VIT: variants seen among roughly 807,000 people sequenced by gnomAD.
VIT encodes vitrin.
In VIT, 99 loss-of-function variants were observed where a neutral mutation model predicts 78.0. The ratio of observed to expected loss-of-function variants is 1.27; its 90% CI spans 1.08 to 1.50. The LOEUF (loss-of-function observed/expected upper bound fraction) is 1.50. VIT is among the 40% of genes most tolerant of loss of function. The pLI is 0.00. For synonymous variants in VIT, 374 were observed against 334.3 expected (o/e 1.12, Z -1.29); for missense variants, 1,126 against 875.3 (o/e 1.29, Z -3.61).
At chr2:36,706,641 G>A (rs991746861) in intron 1 of VIT, among the ~76,000 whole-genome samples, 2 of 152,126 alleles carry the variant, frequency 1.3e-5, no homozygotes, top group African/African-American at 4.8e-5. Flanking sequence ...CAAAATCCCA[G>A]GGGAGGCCTC....
chr2:36,715,775 A>C (rs1666094080), intron 1 of VIT, among the ~76,000 whole-genome samples: 1 of 152,084 alleles, frequency 6.6e-6, no homozygotes, highest in African/African-American at 2.4e-5. Flanking sequence ...TGCTCTACAA[A>C]CTTCCCCTTA....
At chr2:36,813,564 A>T (rs770724763) in intron 15 of VIT, among the ~76,000 whole-genome samples, 56 of 152,104 alleles carry the variant, frequency 3.7e-4, no homozygotes, top group Non-Finnish European at 7.1e-4. Flanking sequence ...TTTCTTCATC[A>T]CAATGTTGGA....
intron 13 of VIT, among the ~76,000 whole-genome samples, chr2:36,801,920 T>G (rs868231163): frequency 3.3e-5 from 5 of 152,216 alleles, no homozygotes; most frequent in African/African-American, 9.6e-5. Context: ...GGGGTAGCAT[T>G]CTTCAGGGCA....
intron 5 of VIT, among the ~76,000 whole-genome samples, chr2:36,757,782 A>G (rs540761909): frequency 1.3e-5 from 2 of 152,346 alleles, no homozygotes; most frequent in East Asian, 3.9e-4. Context: ...GATGTCTACA[A>G]TCTTGTGTAG....
intron 13 of VIT, among the ~76,000 whole-genome samples, chr2:36,801,666 G>A (rs962503673): frequency 5.3e-5 from 8 of 151,864 alleles, no homozygotes; most frequent in African/African-American, 1.9e-4. Context: ...AAATTAGCTG[G>A]GTGTGGTGGC....
intron 9 of VIT, among the ~76,000 whole-genome samples, chr2:36,777,550 C>T (rs904006174): frequency 1.3e-5 from 2 of 152,152 alleles, no homozygotes; most frequent in Non-Finnish European, 2.9e-5. Flanking sequence ...CCCACTAAAA[C>T]ACCCCAACTT....
chr2:36,726,089 A>C (rs972350423), intron 2 of VIT, among the ~76,000 whole-genome samples: 1 of 151,828 alleles, frequency 6.6e-6, no homozygotes, highest in South Asian at 2.1e-4. Flanking sequence ...AAAAAATGCT[A>C]TCAGAAATTT....
At chr2:36,811,928 A>G (rs1667202591) in intron 15 of VIT, among the ~76,000 whole-genome samples, 1 of 152,064 alleles carries the variant, frequency 6.6e-6, no homozygotes, top group Admixed American at 6.6e-5. Context: ...CACCCACCTC[A>G]GCCTCCCGAA....
intron 12 of VIT, among the ~76,000 whole-genome samples, chr2:36,791,477 T>A (rs1665497816): frequency 6.6e-6 from 1 of 152,246 alleles, no homozygotes; most frequent in African/African-American, 2.4e-5. Context: ...CAGAAGGGAC[T>A]TTGCAGATGT....
chr2:36,719,303 A>G (rs1666348383), intron 2 of VIT, among the ~76,000 whole-genome samples: 1 of 152,206 alleles, frequency 6.6e-6, no homozygotes, highest in Non-Finnish European at 1.5e-5. Context: ...TACTCTTGCT[A>G]CTTCTGTTCA....
At chr2:36,697,520 A>G (rs12989101) in intron 1 of VIT, among the ~76,000 whole-genome samples, 6 of 152,186 alleles carry the variant, frequency 3.9e-5, no homozygotes, top group Admixed American at 3.3e-4. Flanking sequence ...TTACACTTAA[A>G]GTGTTTTCTT....
intron 15 of VIT, among the ~76,000 whole-genome samples, chr2:36,813,340 T>G (rs1477249203): frequency 6.6e-6 from 1 of 151,922 alleles, no homozygotes; most frequent in Non-Finnish European, 1.5e-5. Context: ...TCCTAGCTAC[T>G]CGGGAGGCTG....
chr2:36,755,435 T>C (rs1173508357), intron 5 of VIT, among the ~76,000 whole-genome samples: 6 of 152,220 alleles, frequency 3.9e-5, no homozygotes, highest in Non-Finnish European at 4.4e-5. Flanking sequence ...AGATAGGTAT[T>C]GTCACAGCAA....
intron 7 of VIT, among the ~76,000 whole-genome samples, chr2:36,773,467 G>A (rs940852539): frequency 2.6e-5 from 4 of 152,218 alleles, no homozygotes; most frequent in South Asian, 2.1e-4. Context: ...TTTATTGGCC[G>A]GGTGTGGTGG....
At chr2:36,784,550 G>A (rs569183277) in intron 11 of VIT, among the ~76,000 whole-genome samples, 38 of 152,332 alleles carry the variant, frequency 2.5e-4, no homozygotes, top group Middle Eastern at 3.4e-3. Flanking sequence ...ACCCTGATAT[G>A]TACATGACTG....
At chr2:36,751,721 G>A (rs750656497) in intron 4 of VIT, among the ~76,000 whole-genome samples, 4 of 152,178 alleles carry the variant, frequency 2.6e-5, no homozygotes, top group Admixed American at 6.5e-5. Flanking sequence ...GAAGAGAAGA[G>A]CTTGATTCGC....
At chr2:36,798,054 C>T (rs567941979) in intron 12 of VIT, among the ~76,000 whole-genome samples, 14 of 152,082 alleles carry the variant, frequency 9.2e-5, no homozygotes, top group African/African-American at 3.4e-4. Flanking sequence ...TTCATTTTGA[C>T]TAGAACATGG....
intron 12 of VIT, among the ~76,000 whole-genome samples, chr2:36,798,598 T>A (rs1666079363): frequency 6.6e-6 from 1 of 151,666 alleles, no homozygotes; most frequent in Non-Finnish European, 1.5e-5. Context: ...CTATTAAAAA[T>A]ACAAAAACAA....
At chr2:36,732,818 G>A (rs929884286) in intron 3 of VIT, among the ~76,000 whole-genome samples, 1 of 152,210 alleles carries the variant, frequency 6.6e-6, no homozygotes, top group Non-Finnish European at 1.5e-5. Context: ...AAGAAGCTGT[G>A]TATCTGGGAG....
Sources: gnomAD v4.1 joint callset for allele counts (sites outside exome capture counted in the v4.1 genomes callset) on GRCh38, gnomAD v4.1.1 for gene constraint, MANE v1.5 for transcripts, NCBI Gene and HGNC (gene_info 2026-07-23, HGNC 2026-07-21) for gene names.